MYZAP: variants seen among roughly 807,000 people sequenced by gnomAD.
MYZAP encodes the protein GRINL1A complex locus upstream.
In MYZAP, 66 loss-of-function variants were observed where a neutral mutation model predicts 69.4. That is an observed-to-expected ratio of 0.95 (90% CI 0.78 to 1.17). The LOEUF (loss-of-function observed/expected upper bound fraction) is 1.17, where lower values mean the gene tolerates loss of function less well. Ranked by LOEUF, MYZAP falls within the 50% of genes most tolerant of loss-of-function variation. The pLI is 0.00. For synonymous variants in MYZAP, 256 were observed against 205.9 expected (o/e 1.24, Z -2.09); for missense variants, 611 against 556.2 (o/e 1.10, Z -0.99).
At chr15:57,672,103 C>T (rs1363172935) in intron 11 of MYZAP, among the ~76,000 whole-genome samples, 3 of 152,164 alleles carry the variant, frequency 2.0e-5, no homozygotes, top group Non-Finnish European at 2.9e-5. Flanking sequence ...TTTCTCCAGA[C>T]ATGCATGGTT....
At chr15:57,624,471 T>A (rs1362816559) in intron 4 of MYZAP, among the ~76,000 whole-genome samples, 1 of 152,200 alleles carries the variant, frequency 6.6e-6, no homozygotes, top group African/African-American at 2.4e-5. Context: ...TGGGGCTGTA[T>A]AAACATATCT....
Position 57,643,278 on chromosome 15 carries a change from G to A in MYZAP, c.1119+3733G>A, listed in dbSNP as rs143650958. 2.6e-3 allele frequency among the ~76,000 whole-genome samples: 403 copies of A among 152,366 alleles called. 2 individuals carry two copies. The highest frequency in any genetic ancestry group is 9.2e-3 in the African/African-American group (381 of 41,588). On this transcript the variant is annotated intron_variant, in intron 10 of 12. Coordinates refer to ENST00000267853, the MANE Select transcript of MYZAP (RefSeq NM_001018100.5). ...GCTGGGGCTGGGTACACAGTGGGGA[G>A]TCAAGCAGACATGGGCCGTGCTGGC...
Position 57,596,079 on chromosome 15 carries a change from G to A in MYZAP, c.75+3970G>A, listed in dbSNP as rs1308658845. Among the ~76,000 whole-genome samples, 8 of 152,350 alleles carry A rather than the reference G, an allele frequency of 5.3e-5. No homozygotes were observed. The East Asian group carries it at 1.5e-3, about 29-fold the overall frequency. ...ATCTTTCACATTGCCTTGTTTGATAGAGGATGAACAGACCTGAATTCTGGA... is the reference window on the plus strand; with the variant it reads ...ATCTTTCACATTGCCTTGTTTGATAAAGGATGAACAGACCTGAATTCTGGA... On this transcript the variant is annotated intron_variant, in intron 1 of 12. Coordinates refer to ENST00000267853, the MANE Select transcript of MYZAP (RefSeq NM_001018100.5).
chr15:57,649,893 TTATC>T (rs1214195503), intron 10 of MYZAP, among the ~76,000 whole-genome samples: 1 of 152,212 alleles, frequency 6.6e-6, no homozygotes, highest in Non-Finnish European at 1.5e-5. Flanking sequence ...TGCACTTTAT[TTATC>T]TGTTTTGCAT....
intron 12 of MYZAP, among the ~76,000 whole-genome samples, chr15:57,676,671 G>A (rs986448130): frequency 5.9e-5 from 9 of 151,868 alleles, no homozygotes; most frequent in Non-Finnish European, 1.2e-4. Context: ...TGGCTAAGAC[G>A]GGTACAAAAC....
intron 2 of MYZAP, among the ~76,000 whole-genome samples, chr15:57,614,547 C>G (rs1388002182): frequency 2.0e-5 from 3 of 149,648 alleles, no homozygotes; most frequent in African/African-American, 7.4e-5. Context: ...TGTGTGACTA[C>G]CTTGAAACAA....
intron 1 of MYZAP, among the ~76,000 whole-genome samples, chr15:57,598,538 A>G (rs191936806): frequency 1.3e-5 from 2 of 152,162 alleles, no homozygotes; most frequent in Admixed American, 6.6e-5. Context: ...CACTCCCCCT[A>G]TGTTTTCCCT....
intron 11 of MYZAP, among the ~76,000 whole-genome samples, chr15:57,667,277 A>C (rs2038623831): frequency 6.6e-6 from 1 of 152,182 alleles, no homozygotes; most frequent in African/African-American, 2.4e-5. Flanking sequence ...ACAGCCCCCG[A>C]GCTGCCCACA....
At chr15:57,614,361 C>T (rs2035297891) in intron 2 of MYZAP, among the ~76,000 whole-genome samples, 1 of 152,248 alleles carries the variant, frequency 6.6e-6, no homozygotes, top group Non-Finnish European at 1.5e-5. Flanking sequence ...GGCTTCCCCA[C>T]ACAAGGATAC....
intron 11 of MYZAP, among the ~76,000 whole-genome samples, chr15:57,664,711 G>C (rs1181568006): frequency 6.6e-6 from 1 of 152,266 alleles, no homozygotes; most frequent in African/African-American, 2.4e-5. Flanking sequence ...AGATAAATCT[G>C]GTAGCTCCCC....
At position 57,592,005 on chromosome 15, in the gene MYZAP, G is replaced by C. The variant is rs746032149; in HGVS notation, c.-30G>C. 7 of 1,423,216 alleles carry C rather than the reference G, an allele frequency of 4.9e-6. No homozygotes were observed. Among genetic ancestry groups the C allele is most frequent in the Non-Finnish European group, 6.4e-6 (7 of 1,091,746 alleles). 88.2% of individuals were successfully genotyped at this position (1,423,216 alleles called of 1,614,324 possible). A position where few individuals can be genotyped will look rare whatever the true frequency, so the allele number is the denominator to read the frequency against. On this transcript the variant is annotated 5_prime_UTR_variant, in exon 1 of 13. Coordinates refer to ENST00000267853, the MANE Select transcript of MYZAP (RefSeq NM_001018100.5). ...TATTCTGCCCGGGAGGAACGCCGGC[G>C]TCCAGCCCGCTACCGACCGCCGCTG...
intron 3 of MYZAP, among the ~76,000 whole-genome samples, chr15:57,619,626 A>G (rs1224370230): frequency 5.3e-5 from 8 of 152,232 alleles, no homozygotes; most frequent in Admixed American, 4.6e-4. Context: ...TTCTGGGATT[A>G]CAGGTGTAAA....
At position 57,592,077 on chromosome 15, in the gene MYZAP, G is replaced by T; in HGVS notation, c.43G>T (p.Ala15Ser). 7.2e-7 allele frequency: 1 copy of T among 1,382,566 alleles called. No homozygotes were observed. The highest frequency in any genetic ancestry group is 1.6e-5 in the South Asian group (1 of 62,212). The allele number at this position is 1,382,566 out of a possible 1,614,324, so 85.6% of individuals were successfully genotyped here. Residue 15 changes from alanine to serine, a missense_variant, in exon 1 of 13, where the codon GCC (alanine) becomes TCC (serine). Coordinates refer to ENST00000267853, the MANE Select transcript of MYZAP (RefSeq NM_001018100.5). ...CACGGTCACCCTGCTCTCGGGCGGC[G>T]CCGCCAGGACGCCCGGGGCGCCCAG... ...TSTVTLLSGG[A>S]ARTPGAPSRR...
chr15:57,661,625 C>G (rs2038313204), intron 11 of MYZAP, 92 bp downstream of exon 11: 1 of 1,120,268 alleles, frequency 8.9e-7, no homozygotes, highest in African/African-American at 1.6e-5. Context: ...AAAAATATGG[C>G]TATTTCCCGG....
At chr15:57,613,558 A>G (rs539835014) in intron 2 of MYZAP, among the ~76,000 whole-genome samples, 5 of 151,980 alleles carry the variant, frequency 3.3e-5, no homozygotes, top group Non-Finnish European at 5.9e-5. Flanking sequence ...TTTTGCAGAG[A>G]TGGATTTTTA....
chr15:57,625,720 A>G (rs2036091192), intron 4 of MYZAP, 59 bp from the exon 5 acceptor site: 8 of 1,509,516 alleles, frequency 5.3e-6, no homozygotes, highest in Non-Finnish European at 7.4e-6. Flanking sequence ...AGCCTAACTG[A>G]AGATTGTCGT....
chr15:57,640,785 A>T (rs1396442400), intron 10 of MYZAP, among the ~76,000 whole-genome samples: 2 of 152,190 alleles, frequency 1.3e-5, no homozygotes, highest in African/African-American at 4.8e-5. Flanking sequence ...TACATCTTAT[A>T]TTGGTTCACA....
At chr15:57,621,736 G>T in intron 4 of MYZAP, 36 bp downstream of exon 4, 1 of 1,607,448 alleles carries the variant, frequency 6.2e-7, no homozygotes, top group Non-Finnish European at 8.5e-7. Context: ...AGATAGGGAG[G>T]CATGGCAGGC....
At chr15:57,675,752 T>A (rs539402149) in intron 12 of MYZAP, among the ~76,000 whole-genome samples, 15 of 152,298 alleles carry the variant, frequency 9.8e-5, no homozygotes, top group African/African-American at 3.6e-4. Flanking sequence ...TGTAACACAG[T>A]AACCTGCCTC....
Sources: gnomAD v4.1 joint callset for allele counts (sites outside exome capture counted in the v4.1 genomes callset) on GRCh38, gnomAD v4.1.1 for gene constraint, MANE v1.5 for transcripts, NCBI Gene and HGNC (gene_info 2026-07-23, HGNC 2026-07-21) for gene names.